The following RSBN1L variants were observed in gnomAD, a reference collection of about 807,000 sequenced individuals.
The protein encoded by RSBN1L is round spermatid basic protein 1 like, also known as lysine-specific demethylase RSBN1L.
In RSBN1L, 30 loss-of-function variants were observed where a neutral mutation model predicts 67.7. The observed-to-expected ratio is 0.44, with a 90% CI of 0.33 to 0.60. RSBN1L has a LOEUF of 0.60. Among genes scored for constraint, RSBN1L ranks in the 20% least tolerant of loss-of-function variants. RSBN1L has a pLI of 0.02. For synonymous variants in RSBN1L, 433 were observed against 387.0 expected (o/e 1.12, Z -1.39); for missense variants, 992 against 1,031.7 (o/e 0.96, Z 0.53).
At chr7:77,754,164 G>T (rs1791588721) in intron 3 of RSBN1L, among the ~76,000 whole-genome samples, 1 of 152,070 alleles carries the variant, frequency 6.6e-6, no homozygotes, top group Admixed American at 6.5e-5. Flanking sequence ...CAGCTTCCTG[G>T]GTAGCTGGGA....
intron 1 of RSBN1L, among the ~76,000 whole-genome samples, chr7:77,712,054 G>GT (rs538007029): frequency 2.2e-4 from 21 of 96,842 alleles, no homozygotes; most frequent in African/African-American, 1.5e-3. Flanking sequence ...TTTTATAATT[G>GT]TATGTTTTTT....
intron 4 of RSBN1L, among the ~76,000 whole-genome samples, chr7:77,766,047 A>G (rs1791762003): frequency 6.6e-6 from 1 of 152,230 alleles, no homozygotes; most frequent in African/African-American, 2.4e-5. Flanking sequence ...CCTAAACTAA[A>G]TTCCAGGAAA....
chr7:77,757,265 C>T (rs1003147299), intron 3 of RSBN1L, among the ~76,000 whole-genome samples: 1 of 152,146 alleles, frequency 6.6e-6, no homozygotes, highest in South Asian at 2.1e-4. Context: ...TAAAACATCC[C>T]TGTTCTTTTG....
intron 6 of RSBN1L, among the ~76,000 whole-genome samples, chr7:77,773,632 G>A (rs1165675603): frequency 6.6e-6 from 1 of 152,060 alleles, no homozygotes; most frequent in African/African-American, 2.4e-5. Flanking sequence ...GCGTGGTGGC[G>A]CACGCCTGTA....
intron 1 of RSBN1L, among the ~76,000 whole-genome samples, chr7:77,711,164 C>G (rs1321069071): frequency 6.6e-6 from 1 of 152,084 alleles, no homozygotes; most frequent in Non-Finnish European, 1.5e-5. Flanking sequence ...TCATAGACAA[C>G]AGGCAAATTG....
intron 1 of RSBN1L, among the ~76,000 whole-genome samples, chr7:77,721,967 G>A (rs1271625332): frequency 6.6e-6 from 1 of 152,132 alleles, no homozygotes; most frequent in Non-Finnish European, 1.5e-5. Flanking sequence ...TACACTAGGT[G>A]GTGACTCTGG....
At chr7:77,699,397 A>C (rs1007391786) in intron 1 of RSBN1L, among the ~76,000 whole-genome samples, 7 of 152,244 alleles carry the variant, frequency 4.6e-5, no homozygotes, top group African/African-American at 1.7e-4. Flanking sequence ...AGGGCTTTTA[A>C]AAAGTCCTAA....
intron 6 of RSBN1L, among the ~76,000 whole-genome samples, chr7:77,775,997 A>G (rs946001659): frequency 6.6e-6 from 1 of 152,136 alleles, no homozygotes; most frequent in Non-Finnish European, 1.5e-5. Context: ...TGAAGGTTGC[A>G]GTGAGCTTAG....
chr7:77,773,624 G>A lies in RSBN1L; in HGVS notation c.1793+310G>A, dbSNP rs141728475. On this transcript the variant is annotated intron_variant, in intron 6 of 7. Coordinates refer to ENST00000334955, the MANE Select transcript of RSBN1L (RefSeq NM_198467.3). ...CTAAAAATACAAAAGTTAGCCGGGC[G>A]TGGTGGCGCACGCCTGTAGTCCTAG... is the stretch of plus-strand genomic sequence containing the variant. Among the ~76,000 whole-genome samples, 562 of 152,256 alleles carry A rather than the reference G, an allele frequency of 3.7e-3. 4 individuals carry two copies. The highest frequency in any genetic ancestry group is 0.013 in the African/African-American group (537 of 41,564).
intron 2 of RSBN1L, among the ~76,000 whole-genome samples, chr7:77,736,937 A>T (rs1458430135): frequency 6.6e-6 from 1 of 152,220 alleles, no homozygotes; most frequent in Non-Finnish European, 1.5e-5. Context: ...ACCATACCAT[A>T]GTCTAGCATT....
intron 3 of RSBN1L, among the ~76,000 whole-genome samples, chr7:77,757,894 G>C (rs990554630): frequency 1.3e-5 from 2 of 152,134 alleles, no homozygotes; most frequent in African/African-American, 2.4e-5. Context: ...CATTGACAAA[G>C]GGAAGTCACA....
intron 1 of RSBN1L, among the ~76,000 whole-genome samples, chr7:77,725,341 TG>T (rs2150417551): frequency 1.1e-5 from 1 of 89,372 alleles, no homozygotes; most frequent in East Asian, 2.7e-4. Context: ...CTCTGCCTCC[TG>T]GGTCCAATCG....
Position 77,778,806 on chromosome 7 carries a change from A to AT in RSBN1L, c.2182dup (p.Cys728LeufsTer15). 2 of 1,614,162 alleles carry AT rather than the reference A, an allele frequency of 1.2e-6. No homozygotes were observed. The highest frequency in any genetic ancestry group is 1.7e-6 in the Non-Finnish European group (2 of 1,180,022). On this transcript the variant is annotated frameshift_variant, in exon 8 of 8. Transcript: ENST00000334955. LOFTEE classifies it high-confidence loss of function. ...TCTTGGACCTCACACTGACAACATG[A>AT]TTTGTGCTGTAAGCAAAGCCTCCTT...
intron 2 of RSBN1L, among the ~76,000 whole-genome samples, chr7:77,742,182 T>TAC (rs1169498942): frequency 0.16 from 12,497 of 80,224 alleles, 1,079 homozygotes; most frequent in Middle Eastern, 0.2. Context: ...AAAAAAAAAA[T>TAC]ACACACACAC....
intron 1 of RSBN1L, among the ~76,000 whole-genome samples, chr7:77,713,263 G>A (rs1022983592): frequency 4.2e-4 from 64 of 151,948 alleles, no homozygotes; most frequent in African/African-American, 1.4e-3. Flanking sequence ...CATTATTTAA[G>A]GGGGTGTACT....
At chr7:77,730,507 C>T (rs1453756954) in intron 1 of RSBN1L, among the ~76,000 whole-genome samples, 2 of 152,186 alleles carry the variant, frequency 1.3e-5, no homozygotes, top group Non-Finnish European at 2.9e-5. Flanking sequence ...CCATACACCA[C>T]AGAGTATTTT....
chr7:77,697,053 G>T lies in RSBN1L; in HGVS notation c.584G>T (p.Arg195Leu). ...AACGGGGAGGTGAAGCCGCTGCCCC[G>T]AGGTGGGTGCCGTGCGGGGAGGGGG... Reference protein sequence around the residue: ...EENGEVKPLPRDKIKDKIKER... With the variant: ...EENGEVKPLPLDKIKDKIKER... The change falls in exon 1 of 8, where the codon CGA (arginine) becomes CTA (leucine). Residue 195 changes from arginine (R) to leucine (L), a missense_variant and splice_region_variant. Transcript: ENST00000334955. 6.8e-7 allele frequency: 1 copy of T among 1,474,682 alleles called. No individual in the cohort carries two copies. The highest frequency in any genetic ancestry group is 9.0e-7 in the Non-Finnish European group (1 of 1,115,302). 91.3% of individuals were successfully genotyped at this position (1,474,682 alleles called of 1,614,324 possible).
chr7:77,732,834 T>G (rs1254498177), intron 1 of RSBN1L, among the ~76,000 whole-genome samples: 1 of 152,240 alleles, frequency 6.6e-6, no homozygotes. Flanking sequence ...ATTTAATCTT[T>G]ACACAAACTC....
chr7:77,726,546 T>C (rs1035078658), intron 1 of RSBN1L, among the ~76,000 whole-genome samples: 4 of 152,146 alleles, frequency 2.6e-5, no homozygotes. Context: ...GAAAAATTTA[T>C]AGTAAGAAGT....
Sources: gnomAD v4.1 joint callset for allele counts (sites outside exome capture counted in the v4.1 genomes callset) on GRCh38, gnomAD v4.1.1 for gene constraint, MANE v1.5 for transcripts, NCBI Gene and HGNC (gene_info 2026-07-23, HGNC 2026-07-21) for gene names.